The following HIPK2 variants were observed in gnomAD, a reference collection of about 807,000 sequenced individuals.
HIPK2 encodes the protein homeodomain-interacting protein kinase 2.
Under a neutral mutation model 113.7 loss-of-function variants are expected in HIPK2, and 27 were observed. The observed-to-expected ratio is 0.24, with a 90% CI of 0.17 to 0.33. The LOEUF (loss-of-function observed/expected upper bound fraction) is 0.33. Ranked by LOEUF, HIPK2 falls within the 10% of genes least tolerant of loss-of-function variation. The pLI is 1.00. For synonymous variants in HIPK2, 631 were observed against 642.2 expected (o/e 0.98, Z 0.26); for missense variants, 1,257 against 1,588.0 (o/e 0.79, Z 3.54).
Position 139,626,752 on chromosome 7 carries a change from T to C in HIPK2, c.1468A>G (p.Met490Val), listed in dbSNP as rs1800445730. ...NMTTDLEGSD[M>V]LVEKADRREF... Reference sequence around the variant, plus strand: ...CGCCGGTCAGCCTTTTCTACCAACATGTCGCTCCCTTCCAAATCTGTCGTC... The same window carrying C: ...CGCCGGTCAGCCTTTTCTACCAACACGTCGCTCCCTTCCAAATCTGTCGTC... Residue 490 changes from methionine to valine, a missense_variant, in exon 6 of 15, where the codon ATG becomes GTG. Physicochemically the swap from Met to Val is conservative, Grantham distance 21 (BLOSUM62 1). Transcript: ENST00000406875. The C allele has an allele frequency of 6.2e-7, 1 of 1,614,000 alleles. No individual in the cohort carries two copies. The highest frequency in any genetic ancestry group is 1.3e-5 in the African/African-American group (1 of 75,048).
In HIPK2 at chr7:139,773,692, C is replaced by G. The variant is rs565172035; in HGVS notation, c.19+3913G>C. Reference sequence around the variant, plus strand: ...GAGCCCCTGTAACTTACAGAAAGCACCAAATTGTCTTTTGTAGGAAAATGA... The same window carrying G: ...GAGCCCCTGTAACTTACAGAAAGCAGCAAATTGTCTTTTGTAGGAAAATGA... On this transcript the variant is annotated intron_variant, in intron 1 of 14. Transcript: ENST00000406875. 1.6e-4 allele frequency among the ~76,000 whole-genome samples: 25 copies of G among 152,246 alleles called. No homozygotes were observed. The East Asian group carries it at 4.6e-3, about 28-fold the overall frequency.
At chr7:139,580,143 C>CTT (rs1289763960) in intron 13 of HIPK2, among the ~76,000 whole-genome samples, 1 of 152,228 alleles carries the variant, frequency 6.6e-6, no homozygotes, top group African/African-American at 2.4e-5. Context: ...GGGAAGCCTC[C>CTT]TTCTTGCTCT....
chr7:139,577,685 G>A (rs779904168), intron 13 of HIPK2, among the ~76,000 whole-genome samples: 2 of 152,186 alleles, frequency 1.3e-5, no homozygotes, highest in Non-Finnish European at 2.9e-5. Context: ...GAACAGTAGA[G>A]TTAATGGAGA....
chr7:139,589,966 A>G (rs924179450), intron 12 of HIPK2, among the ~76,000 whole-genome samples: 3 of 152,204 alleles, frequency 2.0e-5, no homozygotes, highest in Non-Finnish European at 4.4e-5. Flanking sequence ...GCTGTTTTTC[A>G]TCTCTTCCAT....
intron 2 of HIPK2, among the ~76,000 whole-genome samples, chr7:139,635,682 G>T (rs78891713): frequency 0.013 from 1,909 of 152,192 alleles, 40 homozygotes; most frequent in African/African-American, 0.044. Flanking sequence ...GTGGCTGGGA[G>T]ACAGTACTGT....
chr7:139,572,609 C>G lies in HIPK2; in HGVS notation c.*318G>C. On this transcript the variant is annotated 3_prime_UTR_variant, in exon 15 of 15. Transcript: ENST00000406875. ...CTTGAGCTGGGTTTTTTGTTATTGA[C>G]TTTTTTTTTTTCCTTTTTCTTTTTT... 8.9e-6 allele frequency: 2 copies of G among 225,404 alleles called. No homozygotes were observed. The highest frequency in any genetic ancestry group is 1.7e-5 in the Non-Finnish European group (2 of 117,800). The allele number at this position is 225,404 out of a possible 1,614,324, so 14.0% of individuals were successfully genotyped here. A position where few individuals can be genotyped will look rare whatever the true frequency, so the allele number is the denominator to read the frequency against.
rs775602641 is a variant in HIPK2 at position 139,717,019 on chromosome 7, C to A, written c.20-4G>T. ...ACTTGCACATGTGAGGCCATACCTA[C>A]AAGGAAAGGAAAACGAAAAGTAAGT... On this transcript the variant is annotated splice_polypyrimidine_tract_variant and splice_region_variant and intron_variant, in intron 1 of 14. Transcript: ENST00000406875. 6 of 1,601,452 alleles carry A rather than the reference C, an allele frequency of 3.7e-6. No individual in the cohort carries two copies. In the South Asian group the frequency reaches 6.6e-5, roughly 18 times the overall value.
intron 1 of HIPK2, among the ~76,000 whole-genome samples, chr7:139,741,766 T>A (rs1003906859): frequency 4.6e-5 from 7 of 152,238 alleles, no homozygotes; most frequent in African/African-American, 1.7e-4. Flanking sequence ...CAATAAATAC[T>A]CAGTATGATC....
At chr7:139,647,126 T>G (rs1417595297) in intron 2 of HIPK2, among the ~76,000 whole-genome samples, 2 of 152,030 alleles carry the variant, frequency 1.3e-5, no homozygotes, top group East Asian at 1.9e-4. Context: ...ATAGTTTTTT[T>G]TTTTTTTTTT....
At chr7:139,626,478 C>T in intron 6 of HIPK2, 123 bp downstream of exon 6, 1 of 991,218 alleles carries the variant, frequency 1.0e-6, no homozygotes, top group Non-Finnish European at 1.5e-6. Context: ...TGGCTGCTTT[C>T]AGCTACAGTG....
At chr7:139,718,107 G>C (rs770572250) in intron 1 of HIPK2, among the ~76,000 whole-genome samples, 1 of 152,164 alleles carries the variant, frequency 6.6e-6, no homozygotes, top group Non-Finnish European at 1.5e-5. Context: ...AAACCTATGA[G>C]ACCGTTATTC....
rs1469605425 is a variant in HIPK2 at position 139,563,047 on chromosome 7, AG to A, written c.*9879del. On this transcript the variant is annotated 3_prime_UTR_variant, in exon 15 of 15. Coordinates refer to ENST00000406875, the MANE Select transcript of HIPK2 (RefSeq NM_022740.5). ...TCCATGGAAGAAGCTTGAAGTGAGC[AG>A]GAACACAAAAGGGAGGAGAGCAGAA... 1 of 148,892 alleles carries A rather than the reference AG, an allele frequency of 6.7e-6. No homozygotes were observed. The highest frequency in any genetic ancestry group is 1.5e-5 in the Non-Finnish European group (1 of 67,146). The allele number at this position is 148,892 out of a possible 1,614,324, so 9.2% of individuals were successfully genotyped here. A position where few individuals can be genotyped will look rare whatever the true frequency, so the allele number is the denominator to read the frequency against.
intron 2 of HIPK2, 101 bp downstream of exon 2, chr7:139,715,831 T>G (rs1222665896): frequency 1.4e-6 from 2 of 1,468,366 alleles, no homozygotes; most frequent in Admixed American, 4.5e-5. Context: ...GCAGGAACTG[T>G]AGACATATAA....
rs767396091 is a variant in HIPK2 at position 139,573,179 on chromosome 7, G to T, written c.3345C>A (p.Gly1115=). ...YTAPAALGST[G]TVAHLVASQG... The stretch of plus-strand genomic sequence containing the variant: ...GCGAGGCCACCAGGTGGGCCACGGT[G>T]CCGGTGGAGCCCAGGGCCGCCGGCG... Residue 1115 remains glycine (G), a synonymous_variant, in exon 15 of 15, where the codon GGC becomes GGA. Transcript: ENST00000406875. The T allele has an allele frequency of 3.0e-5, 49 of 1,608,870 alleles. 1 individual carries two copies. The East Asian group carries it at 1.0e-3, about 34-fold the overall frequency.
intron 13 of HIPK2, among the ~76,000 whole-genome samples, chr7:139,580,783 T>C (rs774190304): frequency 1.3e-5 from 2 of 152,240 alleles, no homozygotes; most frequent in Non-Finnish European, 2.9e-5. Flanking sequence ...GTGATGAGGA[T>C]TAAATGAGTT....
At chr7:139,713,473 G>A (rs748026245) in intron 2 of HIPK2, among the ~76,000 whole-genome samples, 8 of 152,322 alleles carry the variant, frequency 5.3e-5, no homozygotes, top group East Asian at 1.9e-4. Flanking sequence ...TCCAGGAAGC[G>A]TCACATGGGC....
At chr7:139,734,457 C>A (rs1222597282) in intron 1 of HIPK2, among the ~76,000 whole-genome samples, 2 of 152,184 alleles carry the variant, frequency 1.3e-5, no homozygotes, top group Non-Finnish European at 2.9e-5. Flanking sequence ...TGCATACAGG[C>A]CTAAGTGCCC....
chr7:139,663,302 T>G (rs1801930090), intron 2 of HIPK2, among the ~76,000 whole-genome samples: 1 of 152,232 alleles, frequency 6.6e-6, no homozygotes, highest in Non-Finnish European at 1.5e-5. Flanking sequence ...AAGGCTGGAC[T>G]GGAGATCACC....
chr7:139,669,911 A>G (rs10270708), intron 2 of HIPK2, among the ~76,000 whole-genome samples: 2 of 152,190 alleles, frequency 1.3e-5, no homozygotes, highest in Non-Finnish European at 2.9e-5. Flanking sequence ...TGAATTTTCA[A>G]CTGGAATAAT....
Sources: allele counts gnomAD v4.1 joint callset (sites outside exome capture counted in the v4.1 genomes callset), GRCh38; gene constraint gnomAD v4.1.1; transcripts MANE v1.5; gene names NCBI Gene and HGNC (gene_info 2026-07-23, HGNC 2026-07-21).